Variants in CNTNAP5 observed in about 807,000 individuals in gnomAD.
The protein encoded by CNTNAP5 is contactin-associated protein-like 5.
A neutral mutation model predicts 150.2 loss-of-function variants in CNTNAP5; 72 were observed. The observed-to-expected ratio is 0.48, with a 90% CI of 0.40 to 0.58. The LOEUF is 0.58. Among genes scored for constraint, CNTNAP5 ranks in the 20% least tolerant of loss-of-function variants. The pLI is 0.00. For missense variants in CNTNAP5, 1,636 were observed against 1,626.2 expected (o/e 1.01, Z -0.10); for synonymous variants, 672 against 619.8 (o/e 1.08, Z -1.25).
At position 124,914,758 on chromosome 2, in the gene CNTNAP5, T is replaced by G. The variant is rs1409822512; in HGVS notation, c.*470T>G. On this transcript the variant is annotated 3_prime_UTR_variant, in exon 24 of 24. Coordinates refer to ENST00000682447, the MANE Select transcript of CNTNAP5 (RefSeq NM_001367498.1). The stretch of plus-strand genomic sequence containing the variant: ...GGGAGAGAAGAACCTAGAGGCCTGG[T>G]TTGCTTTGGTGGCATTGTAAAAAGA... The G allele has an allele frequency of 6.5e-6, 1 of 152,858 alleles. No individual in the cohort carries two copies. Among genetic ancestry groups the G allele is most frequent in the Admixed American group, 6.6e-5 (1 of 15,262 alleles). 9.5% of individuals were successfully genotyped at this position (152,858 alleles called of 1,614,324 possible).
At chr2:124,118,878 G>T (rs1289634027) in intron 1 of CNTNAP5, among the ~76,000 whole-genome samples, 1 of 152,160 alleles carries the variant, frequency 6.6e-6, no homozygotes, top group African/African-American at 2.4e-5. Flanking sequence ...CAGAATCATA[G>T]ATCTAGTAAA....
intron 19 of CNTNAP5, among the ~76,000 whole-genome samples, chr2:124,850,671 G>A (rs940233678): frequency 6.6e-6 from 1 of 152,204 alleles, no homozygotes; most frequent in African/African-American, 2.4e-5. Context: ...TGATAGAGAA[G>A]TTCCTAGACC....
intron 8 of CNTNAP5, among the ~76,000 whole-genome samples, chr2:124,507,949 C>G (rs945602925): frequency 1.3e-5 from 2 of 152,168 alleles, no homozygotes; most frequent in African/African-American, 4.8e-5. Context: ...GGCATCTCGT[C>G]ACTTCTGTCA....
intron 1 of CNTNAP5, among the ~76,000 whole-genome samples, chr2:124,125,567 T>C (rs1175695355): frequency 6.6e-6 from 1 of 152,152 alleles, no homozygotes; most frequent in Non-Finnish European, 1.5e-5. Flanking sequence ...GTGGACCTAA[T>C]AGACATCTAC....
At chr2:124,080,122 A>G (rs1019081673) in intron 1 of CNTNAP5, among the ~76,000 whole-genome samples, 9 of 152,214 alleles carry the variant, frequency 5.9e-5, no homozygotes, top group Admixed American at 2.0e-4. Context: ...AATTATTTGG[A>G]AAGACATACT....
chr2:124,690,446 G>T (rs1055699616), intron 13 of CNTNAP5, among the ~76,000 whole-genome samples: 1 of 151,966 alleles, frequency 6.6e-6, no homozygotes, highest in African/African-American at 2.4e-5. Context: ...ACCAATTCTT[G>T]TCTGCAATAC....
At chr2:124,897,942 T>A (rs1485219912) in intron 21 of CNTNAP5, among the ~76,000 whole-genome samples, 2 of 31,936 alleles carry the variant, frequency 6.3e-5, no homozygotes, top group Non-Finnish European at 1.9e-4. Context: ...GCCAAGTGTG[T>A]GTGTGTGTGT....
intron 1 of CNTNAP5, among the ~76,000 whole-genome samples, chr2:124,165,333 G>T (rs534784934): frequency 1.3e-5 from 2 of 152,214 alleles, no homozygotes; most frequent in East Asian, 3.9e-4. Flanking sequence ...CATTTCACAC[G>T]ATTGTTTTGA....
intron 13 of CNTNAP5, among the ~76,000 whole-genome samples, chr2:124,732,378 G>A (rs544689062): frequency 5.3e-5 from 8 of 152,148 alleles, no homozygotes; most frequent in African/African-American, 1.7e-4. Flanking sequence ...ACATTGAAAC[G>A]TAATCACCAG....
rs115075882 is a variant in CNTNAP5, at chr2:124,221,492, T to C, written c.83-213T>C. On this transcript the variant is annotated intron_variant, in intron 1 of 23. Coordinates refer to ENST00000682447, the MANE Select transcript of CNTNAP5 (RefSeq NM_001367498.1). ...ACAATCTGCTTGACATTTTTGAACT[T>C]AATTTTCCTCATCTGTGAAAGAAAG... Among the ~76,000 whole-genome samples, 627 of 152,150 alleles carry C rather than the reference T, an allele frequency of 4.1e-3. 3 individuals are homozygous for C. The highest frequency in any genetic ancestry group is 0.014 in the African/African-American group (588 of 41,536).
At chr2:124,763,220 T>G (rs962267320) in intron 14 of CNTNAP5, among the ~76,000 whole-genome samples, 6 of 152,090 alleles carry the variant, frequency 3.9e-5, no homozygotes, top group African/African-American at 1.4e-4. Flanking sequence ...AAAAAAAATC[T>G]AAACTTGATT....
At chr2:124,883,360 C>T (rs949489493) in intron 21 of CNTNAP5, among the ~76,000 whole-genome samples, 13 of 151,908 alleles carry the variant, frequency 8.6e-5, no homozygotes, top group Admixed American at 8.5e-4. Flanking sequence ...CTGTGCCCAG[C>T]CTGTATGTGC....
chr2:124,908,000 G>T (rs1324531829), intron 22 of CNTNAP5, among the ~76,000 whole-genome samples: 1 of 151,790 alleles, frequency 6.6e-6, no homozygotes, highest in Non-Finnish European at 1.5e-5. Flanking sequence ...AATAACCAAG[G>T]TTATTATTTT....
intron 3 of CNTNAP5, among the ~76,000 whole-genome samples, chr2:124,401,305 C>T (rs532529917): frequency 5.9e-5 from 9 of 152,316 alleles, no homozygotes; most frequent in South Asian, 2.1e-4. Context: ...ACATGCACAA[C>T]GCCTTCAAGA....
At position 124,919,553 on chromosome 2, in the gene CNTNAP5, G is replaced by T. The variant is rs1678832854; in HGVS notation, c.*5265G>T. 2.0e-5 allele frequency among the ~76,000 whole-genome samples: 3 copies of T among 152,070 alleles called. No homozygotes were observed. Among genetic ancestry groups the T allele is most frequent in the African/African-American group, 7.2e-5 (3 of 41,438 alleles). On this transcript the variant is annotated 3_prime_UTR_variant, in exon 24 of 24. Coordinates refer to ENST00000682447, the MANE Select transcript of CNTNAP5 (RefSeq NM_001367498.1). ...ATTGGTGGCCATCTGAGGTGAGGAA[G>T]GAAATTGCTTCCACCATGAATCAGT...
intron 13 of CNTNAP5, among the ~76,000 whole-genome samples, chr2:124,657,849 T>C (rs1224742373): frequency 6.6e-6 from 1 of 152,210 alleles, no homozygotes; most frequent in Non-Finnish European, 1.5e-5. Flanking sequence ...TGCTTAGCTG[T>C]CTCTGATTTT....
At chr2:124,587,794 G>C (rs1696570402) in intron 11 of CNTNAP5, among the ~76,000 whole-genome samples, 1 of 152,056 alleles carries the variant, frequency 6.6e-6, no homozygotes, top group African/African-American at 2.4e-5. Flanking sequence ...AGTCGGAGCA[G>C]AATTATTGAA....
chr2:124,672,537 C>T (rs931246496), intron 13 of CNTNAP5, among the ~76,000 whole-genome samples: 1 of 152,172 alleles, frequency 6.6e-6, no homozygotes, highest in African/African-American at 2.4e-5. Context: ...TACAGGTGAT[C>T]TTGACCTTTG....
chr2:124,734,133 A>G (rs1325396754), intron 13 of CNTNAP5, among the ~76,000 whole-genome samples: 1 of 152,188 alleles, frequency 6.6e-6, no homozygotes, highest in Non-Finnish European at 1.5e-5. Context: ...TATAAGCAAT[A>G]GATAAAATAT....
Sources: gnomAD v4.1 joint callset for allele counts (sites outside exome capture counted in the v4.1 genomes callset) on GRCh38, gnomAD v4.1.1 for gene constraint, MANE v1.5 for transcripts, NCBI Gene and HGNC (gene_info 2026-07-23, HGNC 2026-07-21) for gene names.